Variants in MAGI1 observed in about 807,000 individuals in gnomAD.
MAGI1 encodes the protein membrane-associated guanylate kinase, WW and PDZ domain-containing protein 1.
Under a neutral mutation model 139.9 loss-of-function variants are expected in MAGI1, and 58 were observed. The ratio of observed to expected loss-of-function variants is 0.41; its 90% CI spans 0.34 to 0.52. The LOEUF is 0.52. MAGI1 is among the 20% of genes least tolerant of loss of function. The pLI is 0.12. For missense variants in MAGI1, 1,874 were observed against 1,901.6 expected (o/e 0.99, Z 0.27); for synonymous variants, 812 against 737.9 (o/e 1.10, Z -1.63).
intron 1 of MAGI1, among the ~76,000 whole-genome samples, chr3:65,843,446 T>A (rs1016592266): frequency 2.0e-5 from 3 of 152,164 alleles, no homozygotes; most frequent in Non-Finnish European, 4.4e-5. Flanking sequence ...TACTGACCCA[T>A]AGAAACAAGG....
At chr3:65,752,637 G>T (rs1311846108) in intron 1 of MAGI1, among the ~76,000 whole-genome samples, 1 of 152,174 alleles carries the variant, frequency 6.6e-6, no homozygotes. Flanking sequence ...CTTGATGTGT[G>T]TTCACAAAGA....
chr3:65,567,448 T>C (rs1308495202), intron 2 of MAGI1, among the ~76,000 whole-genome samples: 1 of 151,978 alleles, frequency 6.6e-6, no homozygotes, highest in Non-Finnish European at 1.5e-5. Flanking sequence ...ACTACTAAAA[T>C]TTAAAAATAA....
intron 3 of MAGI1, among the ~76,000 whole-genome samples, chr3:65,489,062 C>G (rs1450115426): frequency 6.6e-6 from 1 of 152,152 alleles, no homozygotes; most frequent in Middle Eastern, 3.2e-3. Flanking sequence ...AATCCCAGCT[C>G]TATCTTTGAT....
chr3:65,592,010 T>C (rs2081987701), intron 2 of MAGI1, among the ~76,000 whole-genome samples: 2 of 152,222 alleles, frequency 1.3e-5, no homozygotes, highest in Admixed American at 6.5e-5. Context: ...ACGAAATGAT[T>C]CACTCAACTA....
In MAGI1 at chr3:65,361,289, T is replaced by C; in HGVS notation, c.3544A>G (p.Lys1182Glu). The stretch of plus-strand genomic sequence containing the variant: ...ATCAGTTCTATAGCTCGAGAATGCT[T>C]CATGTTTTTGGTGGTCTCACCATTG... ...EINGETTKNM[K>E]HSRAIELIKN... The change falls in exon 22 of 23, where the codon AAG becomes GAG. Residue 1182 changes from lysine (K) to glutamate (E), a missense_variant. This residue lies in a region of MAGI1 where 653 missense variants were observed against 644.5 expected (regional missense o/e 1.01). Coordinates refer to ENST00000402939, the MANE Select transcript of MAGI1 (RefSeq NM_001033057.2). 1 of 1,614,136 alleles carries C rather than the reference T, an allele frequency of 6.2e-7. No homozygotes were observed. Among genetic ancestry groups the C allele is most frequent in the Non-Finnish European group, 8.5e-7 (1 of 1,179,992 alleles).
chr3:65,777,589 T>C (rs1375841005), intron 1 of MAGI1, among the ~76,000 whole-genome samples: 1 of 143,148 alleles, frequency 7.0e-6, no homozygotes, highest in Admixed American at 7.4e-5. Flanking sequence ...CAGTGAGCCA[T>C]GATTGTTGTG....
intron 1 of MAGI1, among the ~76,000 whole-genome samples, chr3:65,781,582 T>A (rs773992586): frequency 6.6e-6 from 1 of 152,210 alleles, no homozygotes; most frequent in Non-Finnish European, 1.5e-5. Flanking sequence ...AAAATTATTA[T>A]ACAAATTATA....
intron 1 of MAGI1, among the ~76,000 whole-genome samples, chr3:65,993,666 T>C (rs2107378162): frequency 6.6e-6 from 1 of 152,320 alleles, no homozygotes; most frequent in African/African-American, 2.4e-5. Context: ...GTTAGGCAGT[T>C]CAAGTGTGAT....
chr3:65,997,305 T>TA (rs1280412604), intron 1 of MAGI1, among the ~76,000 whole-genome samples: 1 of 152,148 alleles, frequency 6.6e-6, no homozygotes, highest in Non-Finnish European at 1.5e-5. Flanking sequence ...CCAAGATTTA[T>TA]AAAATGATTG....
intron 2 of MAGI1, among the ~76,000 whole-genome samples, chr3:65,495,409 T>A (rs190387248): frequency 6.6e-6 from 1 of 152,308 alleles, no homozygotes; most frequent in East Asian, 1.9e-4. Flanking sequence ...AATCCCAGTA[T>A]AATAATCTGT....
intron 1 of MAGI1, among the ~76,000 whole-genome samples, chr3:65,845,529 C>T (rs1189651613): frequency 6.6e-6 from 1 of 152,164 alleles, no homozygotes; most frequent in African/African-American, 2.4e-5. Flanking sequence ...CAAAAAATGC[C>T]ACCTATTGCT....
chr3:66,000,345 G>A (rs114642348), intron 1 of MAGI1, among the ~76,000 whole-genome samples: 2,009 of 152,028 alleles, frequency 0.013, 41 homozygotes, highest in African/African-American at 0.046. Context: ...CTCCAATTGG[G>A]CTCAAGAAAC....
chr3:65,806,710 T>C (rs1389964271), intron 1 of MAGI1, among the ~76,000 whole-genome samples: 1 of 152,218 alleles, frequency 6.6e-6, no homozygotes, highest in Non-Finnish European at 1.5e-5. Context: ...AAATGAATTG[T>C]GCACACCAAT....
chr3:65,436,689 G>T (rs1947880124), intron 10 of MAGI1, among the ~76,000 whole-genome samples: 1 of 152,074 alleles, frequency 6.6e-6, no homozygotes, highest in African/African-American at 2.4e-5. Context: ...AAATATCTGT[G>T]GTCTCTAAGT....
intron 18 of MAGI1, among the ~76,000 whole-genome samples, chr3:65,368,381 T>C (rs1275476608): frequency 6.6e-6 from 1 of 152,224 alleles, no homozygotes; most frequent in Non-Finnish European, 1.5e-5. Flanking sequence ...TGGAGATTAC[T>C]ACACTTTCAA....
At chr3:65,377,875 A>G (rs1469179187) in intron 17 of MAGI1, among the ~76,000 whole-genome samples, 2 of 152,204 alleles carry the variant, frequency 1.3e-5, no homozygotes, top group Non-Finnish European at 2.9e-5. Flanking sequence ...ACGGGGAGAC[A>G]GCTCCAGCAG....
intron 12 of MAGI1, among the ~76,000 whole-genome samples, chr3:65,418,552 A>G (rs934984756): frequency 9.9e-5 from 15 of 152,040 alleles, no homozygotes; most frequent in African/African-American, 3.4e-4. Context: ...GTTGCATCCC[A>G]TCTTCTTCCC....
chr3:65,918,751 C>T (rs2030493569), intron 1 of MAGI1, among the ~76,000 whole-genome samples: 1 of 152,128 alleles, frequency 6.6e-6, no homozygotes, highest in African/African-American at 2.4e-5. Context: ...GGTGACTACG[C>T]AGGTCAGCTT....
chr3:65,707,822 CT>C (rs2030638706), intron 1 of MAGI1, among the ~76,000 whole-genome samples: 1 of 152,042 alleles, frequency 6.6e-6, no homozygotes, highest in Non-Finnish European at 1.5e-5. Context: ...TCAGTAAAAC[CT>C]TTAAACTATA....
Sources: allele counts gnomAD v4.1 joint callset (sites outside exome capture counted in the v4.1 genomes callset), GRCh38; gene constraint gnomAD v4.1.1; regional missense constraint gnomAD v4.1.1; transcripts MANE v1.5; gene names NCBI Gene and HGNC (gene_info 2026-07-23, HGNC 2026-07-21).